The following NALF1 variants were observed in gnomAD, a reference collection of about 807,000 sequenced individuals.
NALF1 encodes the protein family with sequence similarity 155 member A.
In NALF1, 3 loss-of-function variants were observed where a neutral mutation model predicts 48.4. The ratio of observed to expected loss-of-function variants is 0.06; its 90% CI spans 0.03 to 0.16. The LOEUF (loss-of-function observed/expected upper bound fraction) is 0.16. NALF1 is among the 10% of genes least tolerant of loss of function. The pLI is 1.00. For synonymous variants in NALF1, 262 were observed against 245.7 expected, an observed-to-expected ratio of 1.07 and a Z score of -0.62; for missense variants, 526 against 571.5, an observed-to-expected ratio of 0.92 and a Z score of 0.81.
chr13:107,789,918 A>T (rs1878182228), intron 1 of NALF1, among the ~76,000 whole-genome samples: 2 of 152,200 alleles, frequency 1.3e-5, no homozygotes, highest in African/African-American at 2.4e-5. Context: ...AAGAAACTAA[A>T]CTTTTGTTTA....
intron 1 of NALF1, among the ~76,000 whole-genome samples, chr13:107,817,470 G>A (rs1879201660): frequency 6.6e-6 from 1 of 152,136 alleles, no homozygotes; most frequent in Non-Finnish European, 1.5e-5. Flanking sequence ...TCTTCAGAAT[G>A]TTCTTATCTT....
intron 1 of NALF1, among the ~76,000 whole-genome samples, chr13:107,222,151 A>T (rs2138816336): frequency 6.6e-6 from 1 of 152,340 alleles, no homozygotes; most frequent in East Asian, 1.9e-4. Flanking sequence ...AGCCAGAATT[A>T]TATCTGGAAA....
Position 107,165,574 on chromosome 13 carries a change from T to C in NALF1, c.*4923A>G, listed in dbSNP as rs1878640625. On this transcript the variant is annotated 3_prime_UTR_variant, in exon 3 of 3. Transcript: ENST00000375915. ...CATAGTTCATATTTTGTTTCATGCCTTAAGTTTTATTCCAAGGCTAAGAAG... is the reference window on the plus strand; with the variant it reads ...CATAGTTCATATTTTGTTTCATGCCCTAAGTTTTATTCCAAGGCTAAGAAG... 4 of 152,230 alleles carry C rather than the reference T, an allele frequency of 2.6e-5. No individual in the cohort carries two copies. Among genetic ancestry groups the C allele is most frequent in the Non-Finnish European group, 5.9e-5 (4 of 68,028 alleles). The allele number at this position is 152,230 out of a possible 1,614,324, so 9.4% of individuals were successfully genotyped here.
intron 1 of NALF1, among the ~76,000 whole-genome samples, chr13:107,473,034 C>T (rs749467500): frequency 1.3e-5 from 2 of 152,174 alleles, no homozygotes; most frequent in Non-Finnish European, 2.9e-5. Flanking sequence ...CCTGAAATGC[C>T]TTCATCCTTT....
chr13:107,331,638 G>C (rs1159077823), intron 1 of NALF1, among the ~76,000 whole-genome samples: 1 of 152,092 alleles, frequency 6.6e-6, no homozygotes, highest in East Asian at 1.9e-4. Flanking sequence ...TTGTTCTCCT[G>C]ACAGTCATTC....
At chr13:107,280,718 T>C (rs557739624) in intron 1 of NALF1, among the ~76,000 whole-genome samples, 47 of 152,314 alleles carry the variant, frequency 3.1e-4, no homozygotes, top group African/African-American at 1.1e-3. Context: ...TTTAGGCAAA[T>C]TGTGACCAGT....
intron 1 of NALF1, among the ~76,000 whole-genome samples, chr13:107,491,507 G>A (rs1234955311): frequency 2.6e-5 from 4 of 152,160 alleles, no homozygotes; most frequent in Non-Finnish European, 4.4e-5. Context: ...GAGCATCCCT[G>A]ATCCAGCTCC....
chr13:107,598,288 T>C (rs1216330781), intron 1 of NALF1, among the ~76,000 whole-genome samples: 5 of 152,182 alleles, frequency 3.3e-5, no homozygotes, highest in Non-Finnish European at 7.4e-5. Context: ...AACAATCCCT[T>C]TTTTCTTTGC....
chr13:107,428,318 G>A (rs1242798470), intron 1 of NALF1, among the ~76,000 whole-genome samples: 1 of 152,170 alleles, frequency 6.6e-6, no homozygotes, highest in Non-Finnish European at 1.5e-5. Flanking sequence ...TTGCACTGCT[G>A]CTGTAAACAA....
intron 1 of NALF1, among the ~76,000 whole-genome samples, chr13:107,233,727 A>C (rs2138827522): frequency 1.3e-5 from 2 of 152,326 alleles, no homozygotes; most frequent in South Asian, 4.1e-4. Context: ...AGCAACAATC[A>C]ATACTGTACT....
At chr13:107,651,630 T>C (rs1880453729) in intron 1 of NALF1, among the ~76,000 whole-genome samples, 2 of 152,318 alleles carry the variant, frequency 1.3e-5, no homozygotes, top group Middle Eastern at 3.4e-3. Context: ...GGAGCAGACA[T>C]TTCAGCTTAC....
intron 1 of NALF1, among the ~76,000 whole-genome samples, chr13:107,313,617 C>A (rs7993090): frequency 2.0e-5 from 3 of 152,078 alleles, no homozygotes; most frequent in Non-Finnish European, 4.4e-5. Context: ...GTCATCCCTC[C>A]GCTCACCTGA....
chr13:107,316,098 C>T (rs1445502615), intron 1 of NALF1, among the ~76,000 whole-genome samples: 1 of 151,990 alleles, frequency 6.6e-6, no homozygotes, highest in African/African-American at 2.4e-5. Flanking sequence ...CCTCCTGTGT[C>T]CATGTGTTCT....
At chr13:107,751,651 G>T (rs1218186458) in intron 1 of NALF1, among the ~76,000 whole-genome samples, 6 of 152,156 alleles carry the variant, frequency 3.9e-5, no homozygotes, top group African/African-American at 1.4e-4. Context: ...CAAATTGAAG[G>T]CCTATTAAGA....
chr13:107,713,051 C>G (rs1256335587), intron 1 of NALF1, among the ~76,000 whole-genome samples: 1 of 152,208 alleles, frequency 6.6e-6, no homozygotes, highest in Non-Finnish European at 1.5e-5. Flanking sequence ...GTGTCCCTGC[C>G]TGCAGCTCCA....
chr13:107,210,457 G>A, intron 2 of NALF1, 127 bp downstream of exon 2: 1 of 667,694 alleles, frequency 1.5e-6, no homozygotes, highest in Non-Finnish European at 2.7e-6. Context: ...ATTAGTGAAA[G>A]TGCGGAAAAC....
At chr13:107,827,803 T>C (rs1385806312) in intron 1 of NALF1, among the ~76,000 whole-genome samples, 1 of 152,222 alleles carries the variant, frequency 6.6e-6, no homozygotes, top group Non-Finnish European at 1.5e-5. Flanking sequence ...AATGTAGTAC[T>C]GAATTGAAAA....
chr13:107,449,467 C>G (rs1317405098), intron 1 of NALF1, among the ~76,000 whole-genome samples: 1 of 151,918 alleles, frequency 6.6e-6, no homozygotes, highest in African/African-American at 2.4e-5. Context: ...ATTTGGACGA[C>G]AAAAGAGATT....
intron 1 of NALF1, among the ~76,000 whole-genome samples, chr13:107,438,649 T>A (rs2224790): frequency 0.67 from 101,646 of 150,906 alleles, 34,990 homozygotes; most frequent in Middle Eastern, 0.81. Flanking sequence ...TAAAAACAAA[T>A]AACAAAACAA....
Sources: gnomAD v4.1 joint callset for allele counts (sites outside exome capture counted in the v4.1 genomes callset) on GRCh38, gnomAD v4.1.1 for gene constraint, MANE v1.5 for transcripts, NCBI Gene and HGNC (gene_info 2026-07-23, HGNC 2026-07-21) for gene names.